AFG2A: variants seen among roughly 807,000 people sequenced by gnomAD.
AFG2A encodes the protein AAA ATPase AFG2A, also known as ATPase family gene 2 protein homolog A.
the AFG2A span, among the ~76,000 whole-genome samples, chr4:123,264,248 A>G: frequency 6.6e-6 from 1 of 152,160 alleles, no homozygotes; most frequent in Non-Finnish European, 1.5e-5. Context: ...AAGACTACAC[A>G]TTGGGTACAG....
At chr4:123,173,348 T>G in the AFG2A span, among the ~76,000 whole-genome samples, 3 of 110,104 alleles carry the variant, frequency 2.7e-5, no homozygotes, top group Admixed American at 9.0e-5. Context: ...TGGTTTTTTT[T>G]TTTTTTTTTT....
the AFG2A span, among the ~76,000 whole-genome samples, chr4:123,073,490 G>A: frequency 8.6e-5 from 13 of 151,840 alleles, no homozygotes; most frequent in Non-Finnish European, 1.9e-4. Flanking sequence ...CATCTTCAAG[G>A]TATTTATGCG....
chr4:122,930,223 G>A, the AFG2A span, among the ~76,000 whole-genome samples: 9 of 152,118 alleles, frequency 5.9e-5, no homozygotes, highest in African/African-American at 2.2e-4. Flanking sequence ...TACCTATCAA[G>A]GTAGTTAAGG....
At chr4:123,005,514 C>A in the AFG2A span, among the ~76,000 whole-genome samples, 25 of 152,044 alleles carry the variant, frequency 1.6e-4, no homozygotes, top group Non-Finnish European at 3.2e-4. Context: ...TTTGTTATTT[C>A]TTTCCTTCTG....
chr4:122,981,039 C>T, the AFG2A span, among the ~76,000 whole-genome samples: 1 of 152,086 alleles, frequency 6.6e-6, no homozygotes, highest in Non-Finnish European at 1.5e-5. Context: ...TTTCTTGCCT[C>T]TGCTTTTGGA....
chr4:123,137,180 C>T, the AFG2A span, among the ~76,000 whole-genome samples: 1 of 152,140 alleles, frequency 6.6e-6, no homozygotes, highest in African/African-American at 2.4e-5. Context: ...CTGTGCAGAC[C>T]AGTTCTTAAT....
At chr4:123,316,371 C>T in the AFG2A span, 2 of 152,332 alleles carry the variant, frequency 1.3e-5, no homozygotes, top group Non-Finnish European at 2.9e-5. Flanking sequence ...GGGTCTGCCA[C>T]ACTGGACAGA....
At chr4:123,118,533 T>C in the AFG2A span, among the ~76,000 whole-genome samples, 1 of 151,560 alleles carries the variant, frequency 6.6e-6, no homozygotes, top group African/African-American at 2.4e-5. Flanking sequence ...AGAACTACCA[T>C]AGTTATTCAA....
At chr4:123,314,718 T>C in the AFG2A span, 1 of 151,810 alleles carries the variant, frequency 6.6e-6, no homozygotes, top group African/African-American at 2.4e-5. Flanking sequence ...ACTCTAAGCC[T>C]AGATCAGTAG....
the AFG2A span, among the ~76,000 whole-genome samples, chr4:123,242,930 G>C: frequency 6.6e-6 from 1 of 152,052 alleles, no homozygotes; most frequent in South Asian, 2.1e-4. Flanking sequence ...TCAAAAAGTG[G>C]GCAAAAGGTA....
the AFG2A span, among the ~76,000 whole-genome samples, chr4:122,983,814 C>T: frequency 2.6e-5 from 4 of 152,204 alleles, no homozygotes; most frequent in Non-Finnish European, 1.5e-5. Context: ...GGACTCTGTA[C>T]AGACAACCCC....
chr4:123,213,452 T>G, the AFG2A span, among the ~76,000 whole-genome samples: 64 of 152,168 alleles, frequency 4.2e-4, no homozygotes, highest in Non-Finnish European at 7.8e-4. Context: ...AATATATTTT[T>G]AATTTAAGTA....
At chr4:123,287,342 T>G in the AFG2A span, among the ~76,000 whole-genome samples, 117,071 of 152,104 alleles carry the variant, frequency 0.77, 45,940 homozygotes, top group Non-Finnish European at 0.85. Context: ...AGTAGTCAAA[T>G]CCAGCTCTAC....
chr4:122,960,429 C>T, the AFG2A span, among the ~76,000 whole-genome samples: 1 of 152,154 alleles, frequency 6.6e-6, no homozygotes, highest in African/African-American at 2.4e-5. Context: ...TAAACTTATC[C>T]TTCTAAGGCT....
chr4:123,298,904 C>T, the AFG2A span, among the ~76,000 whole-genome samples: 2 of 152,110 alleles, frequency 1.3e-5, no homozygotes, highest in Non-Finnish European at 2.9e-5. Flanking sequence ...TATTTTGTTT[C>T]AGCATGTAAA....
chr4:123,107,770 G>T, the AFG2A span, among the ~76,000 whole-genome samples: 5 of 152,340 alleles, frequency 3.3e-5, no homozygotes, highest in African/African-American at 9.6e-5. Context: ...ATGCTCACCA[G>T]TGCCCAAAGT....
the AFG2A span, among the ~76,000 whole-genome samples, chr4:123,115,272 C>A: frequency 1.3e-5 from 2 of 152,088 alleles, no homozygotes; most frequent in Non-Finnish European, 1.5e-5. Context: ...TCGCGGGCCC[C>A]AAACCCAGTT....
At chr4:123,239,084 T>C in the AFG2A span, among the ~76,000 whole-genome samples, 1 of 152,072 alleles carries the variant, frequency 6.6e-6, no homozygotes, top group African/African-American at 2.4e-5. Context: ...AGAAAGGATA[T>C]CAGTGATTGA....
the AFG2A span, among the ~76,000 whole-genome samples, chr4:123,196,726 C>T: frequency 6.6e-6 from 1 of 151,960 alleles, no homozygotes; most frequent in African/African-American, 2.4e-5. Context: ...TTAAGGCTTC[C>T]CAAGTTTGTT....
Sources: allele counts gnomAD v4.1 joint callset (sites outside exome capture counted in the v4.1 genomes callset), GRCh38; gene constraint gnomAD v4.1.1; transcripts MANE v1.5; gene names NCBI Gene and HGNC (gene_info 2026-07-23, HGNC 2026-07-21).